RAPGEF4: variants seen among roughly 807,000 people sequenced by gnomAD.
RAPGEF4 encodes the protein RAP guanine-nucleotide-exchange factor (GEF) 4.
RAPGEF4 carries 66 observed loss-of-function variants against 147.9 expected under a neutral mutation model. The ratio of observed to expected loss-of-function variants is 0.45; its 90% CI spans 0.37 to 0.55. The LOEUF is 0.55. Among genes scored for constraint, RAPGEF4 ranks in the 20% least tolerant of loss-of-function variants. RAPGEF4 has a pLI of 0.00. For missense variants in RAPGEF4, 1,071 were observed against 1,257.3 expected (o/e 0.85, Z 2.24); for synonymous variants, 419 against 442.7 (o/e 0.95, Z 0.67).
At chr2:172,813,266 C>T (rs1429010810) in intron 3 of RAPGEF4, among the ~76,000 whole-genome samples, 3 of 152,166 alleles carry the variant, frequency 2.0e-5, no homozygotes, top group African/African-American at 7.2e-5. Flanking sequence ...GTGTGTCTCC[C>T]TTAGTTTATA....
At chr2:172,812,256 C>T (rs1379074773) in intron 3 of RAPGEF4, among the ~76,000 whole-genome samples, 1 of 152,166 alleles carries the variant, frequency 6.6e-6, no homozygotes, top group Non-Finnish European at 1.5e-5. Context: ...GAATTGATTC[C>T]TGAAACAAGC....
chr2:172,918,033 A>G (rs761349622), intron 5 of RAPGEF4, 159 bp downstream of exon 5: 1 of 768,568 alleles, frequency 1.3e-6, no homozygotes, highest in South Asian at 1.4e-5. Flanking sequence ...ATATTTTTAA[A>G]GAAATGGTTA....
chr2:172,794,360 A>G (rs1218035389), intron 1 of RAPGEF4, among the ~76,000 whole-genome samples: 1 of 150,452 alleles, frequency 6.6e-6, no homozygotes, highest in African/African-American at 2.4e-5. Flanking sequence ...AAAAAAAAAA[A>G]AAAAAGAAAA....
intron 4 of RAPGEF4, among the ~76,000 whole-genome samples, chr2:172,862,891 C>A (rs1694190937): frequency 6.6e-6 from 1 of 152,114 alleles, no homozygotes. Flanking sequence ...ATAGTAGTAT[C>A]ATTTACCCCG....
intron 5 of RAPGEF4, among the ~76,000 whole-genome samples, chr2:172,919,634 A>G (rs1332055980): frequency 1.3e-5 from 2 of 152,034 alleles, no homozygotes; most frequent in African/African-American, 4.8e-5. Flanking sequence ...ACTGATACAA[A>G]CACTTCCCAA....
chr2:172,751,356 A>G lies in RAPGEF4; in HGVS notation c.65+15308A>G, dbSNP rs187340931. Among the ~76,000 whole-genome samples the G allele has an allele frequency of 7.2e-5, 11 of 152,348 alleles. No individual in the cohort carries two copies. The East Asian group carries it at 2.1e-3, about 29-fold the overall frequency. On this transcript the variant is annotated intron_variant, in intron 1 of 30. Transcript: ENST00000397081. ...CATTCATTCATTCAGTCAGTCTTCA[A>G]AAAACGATTTATGGGGTACCTAGTA...
intron 4 of RAPGEF4, among the ~76,000 whole-genome samples, chr2:172,856,920 A>G (rs1289255627): frequency 1.3e-5 from 2 of 152,164 alleles, no homozygotes; most frequent in Non-Finnish European, 2.9e-5. Flanking sequence ...GAAAAGTTAT[A>G]AAAATTGGGT....
chr2:172,823,443 T>A (rs573980695), intron 4 of RAPGEF4, among the ~76,000 whole-genome samples: 14 of 152,232 alleles, frequency 9.2e-5, no homozygotes, highest in Non-Finnish European at 1.9e-4. Context: ...CGCTCTGGGG[T>A]TTAACGGGTT....
At chr2:173,020,773 C>G in intron 23 of RAPGEF4, 58 bp downstream of exon 23, 1 of 1,411,544 alleles carries the variant, frequency 7.1e-7, no homozygotes, top group South Asian at 1.2e-5. Flanking sequence ...TGTCTGGAGC[C>G]TAATTTTGCA....
chr2:172,866,123 C>A (rs1694613860), intron 4 of RAPGEF4, among the ~76,000 whole-genome samples: 1 of 152,132 alleles, frequency 6.6e-6, no homozygotes, highest in Admixed American at 6.5e-5. Flanking sequence ...TAAAAGAGAA[C>A]AAGACAAAAC....
chr2:172,961,085 C>A (rs912030118), intron 7 of RAPGEF4, 37 bp from the exon 8 acceptor site: 1 of 1,428,044 alleles, frequency 7.0e-7, no homozygotes, highest in Non-Finnish European at 9.9e-7. Context: ...ATAAACACTT[C>A]TTTCTCCTCC....
chr2:172,941,919 C>G (rs1231235380), intron 6 of RAPGEF4, among the ~76,000 whole-genome samples: 2 of 152,076 alleles, frequency 1.3e-5, no homozygotes, highest in Non-Finnish European at 2.9e-5. Flanking sequence ...AGTATGCTCT[C>G]AACAAGTATT....
chr2:172,865,211 A>G (rs996733918), intron 4 of RAPGEF4, among the ~76,000 whole-genome samples: 11 of 152,072 alleles, frequency 7.2e-5, no homozygotes, highest in African/African-American at 2.4e-4. Context: ...CTCCTAATGC[A>G]TTTCTACCCT....
chr2:172,803,320 C>T (rs1687159427), intron 3 of RAPGEF4, among the ~76,000 whole-genome samples: 1 of 152,226 alleles, frequency 6.6e-6, no homozygotes, highest in South Asian at 2.1e-4. Flanking sequence ...GGTTCCCAAA[C>T]CTCAATTCTT....
intron 1 of RAPGEF4, among the ~76,000 whole-genome samples, chr2:172,783,686 G>A (rs1208668561): frequency 2.0e-5 from 3 of 152,070 alleles, no homozygotes; most frequent in African/African-American, 7.2e-5. Context: ...AGGTGCTTGC[G>A]TGTGTGTATG....
chr2:172,817,583 C>T (rs1688625418), intron 4 of RAPGEF4, among the ~76,000 whole-genome samples: 1 of 152,024 alleles, frequency 6.6e-6, no homozygotes, highest in Admixed American at 6.6e-5. Flanking sequence ...AGGATTCAGG[C>T]CAACTCCTGA....
intron 25 of RAPGEF4, among the ~76,000 whole-genome samples, chr2:173,029,048 G>A (rs1696930354): frequency 6.6e-6 from 1 of 152,174 alleles, no homozygotes; most frequent in South Asian, 2.1e-4. Flanking sequence ...AGATGCGATT[G>A]TATACCTGCC....
Position 172,990,884 on chromosome 2 carries a change from G to A in RAPGEF4, c.1449G>A (p.Gly483=), listed in dbSNP as rs1462020896. The A allele has an allele frequency of 6.2e-7, 1 of 1,613,978 alleles. No individual in the cohort carries two copies. The highest frequency in any genetic ancestry group is 8.5e-7 in the Non-Finnish European group (1 of 1,179,938). Residue 483 remains glycine, a synonymous_variant, in exon 15 of 31, where the codon GGG becomes GGA. Transcript: ENST00000397081. Reference sequence around the variant, plus strand: ...TGGTGCTGGAGAAGGTCCCAGCAGGGAACAGAGCTTCTAATCAAGGAAACT... The same window carrying A: ...TGGTGCTGGAGAAGGTCCCAGCAGGAAACAGAGCTTCTAATCAAGGAAACT... ...DVLVLEKVPA[G]NRASNQGNSQ...
In RAPGEF4 at chr2:172,847,348, G is replaced by A. The variant is rs1300606435; in HGVS notation, c.444+32923G>A. Among the ~76,000 whole-genome samples, 3 of 152,156 alleles carry A rather than the reference G, an allele frequency of 2.0e-5. No homozygotes were observed. In the South Asian group the frequency reaches 6.2e-4, roughly 32 times the overall value. ...TATTTAGGGAAACAATATGAAAATG[G>A]TCTTGCGTGGCAGGGTGACTGTACC... is the stretch of plus-strand genomic sequence containing the variant. On this transcript the variant is annotated intron_variant, in intron 4 of 30. Transcript: ENST00000397081.
Sources: gnomAD v4.1 joint callset for allele counts (sites outside exome capture counted in the v4.1 genomes callset) on GRCh38, gnomAD v4.1.1 for gene constraint, MANE v1.5 for transcripts, NCBI Gene and HGNC (gene_info 2026-07-23, HGNC 2026-07-21) for gene names.